Variants in DFFA observed in about 807,000 individuals in gnomAD.
DFFA encodes the protein DFF45.
A neutral mutation model predicts 28.0 loss-of-function variants in DFFA; 14 were observed. The ratio of observed to expected loss-of-function variants is 0.50; its 90% CI spans 0.33 to 0.78. The LOEUF is 0.78. Ranked by LOEUF, DFFA falls within the 30% of genes least tolerant of loss-of-function variation. The probability of loss-of-function intolerance (pLI) is 0.02; values close to 1 mark genes in which losing one functional copy is unlikely to be tolerated. For missense variants in DFFA, 395 were observed against 407.1 expected (o/e 0.97, Z 0.26); for synonymous variants, 158 against 170.3 (o/e 0.93, Z 0.56).
rs776779999 is a variant in DFFA at position 10,463,429 on chromosome 1, A to T, written c.631+2T>A. 6.2e-7 allele frequency: 1 copy of T among 1,609,456 alleles called. No homozygotes were observed. Among genetic ancestry groups the T allele is most frequent in the East Asian group, 2.2e-5 (1 of 44,878 alleles). ...AGTGACTCTGCCTGCAGAGAGTCCT[A>T]CCTTCCTGCTTTGACAAGAGGCTGC... is the stretch of plus-strand genomic sequence containing the variant. On this transcript the variant is annotated splice_donor_variant, in intron 4 of 5. Transcript: ENST00000377038. LOFTEE classifies it high-confidence loss of function.
intron 5 of DFFA, among the ~76,000 whole-genome samples, chr1:10,462,080 G>C (rs985760726): frequency 6.6e-5 from 10 of 152,108 alleles, no homozygotes; most frequent in East Asian, 3.9e-4. Flanking sequence ...GGATGGTCTC[G>C]ATCTCCTGAC....
intron 5 of DFFA, 64 bp downstream of exon 5, chr1:10,462,994 A>G (rs1570102801): frequency 6.2e-7 from 1 of 1,604,500 alleles, no homozygotes. Context: ...ACACCTCTGC[A>G]TGATACTACT....
rs1307989024 is a variant in DFFA, at chr1:10,458,062, G to A, written c.*3428C>T. 1 of 152,136 alleles carries A rather than the reference G, an allele frequency of 6.6e-6. No homozygotes were observed. The highest frequency in any genetic ancestry group is 6.6e-5 in the Admixed American group (1 of 15,236). 9.4% of individuals were successfully genotyped at this position (152,136 alleles called of 1,614,324 possible). On this transcript the variant is annotated 3_prime_UTR_variant, in exon 6 of 6. Coordinates refer to ENST00000377038, the MANE Select transcript of DFFA (RefSeq NM_004401.3). The stretch of plus-strand genomic sequence containing the variant: ...GATTTCCTAGGAATGTAGCTACTCT[G>A]TAAATCAAGGACAGACACGTTTACT...
chr1:10,462,834 G>C, intron 5 of DFFA: 1 of 1,388,562 alleles, frequency 7.2e-7, no homozygotes, highest in South Asian at 1.7e-5. Context: ...CCTTGGACCA[G>C]AGTCTGTTTG....
chr1:10,462,839 T>G, intron 5 of DFFA: 1 of 1,392,710 alleles, frequency 7.2e-7, no homozygotes. Flanking sequence ...GACCAGAGTC[T>G]GTTTGATGAT....
intron 5 of DFFA, among the ~76,000 whole-genome samples, chr1:10,462,234 C>T (rs764415413): frequency 1.2e-4 from 18 of 152,320 alleles, no homozygotes; most frequent in Non-Finnish European, 2.5e-4. Context: ...TTAGCTCACG[C>T]AACCTCCACC....
intron 5 of DFFA, 104 bp from the exon 6 acceptor site, chr1:10,461,806 T>C (rs1640945595): frequency 6.6e-7 from 1 of 1,519,774 alleles, no homozygotes; most frequent in Non-Finnish European, 8.8e-7. Context: ...TATCCGTTTA[T>C]GTTACCTCTT....
chr1:10,462,826 T>C, intron 5 of DFFA: 1 of 1,380,180 alleles, frequency 7.2e-7, no homozygotes, highest in African/African-American at 1.5e-5. Context: ...ATTACCAACC[T>C]TGGACCAGAG....
At chr1:10,462,518 G>A (rs1308751513) in intron 5 of DFFA, 2 of 989,726 alleles carry the variant, frequency 2.0e-6, no homozygotes, top group African/African-American at 3.5e-5. Context: ...CCACCTTCAG[G>A]AAATTTAGCC....
chr1:10,460,955 C>T lies in DFFA; in HGVS notation c.*535G>A, dbSNP rs1405309115. 1 of 136,386 alleles carries T rather than the reference C, an allele frequency of 7.3e-6. No homozygotes were observed. The highest frequency in any genetic ancestry group is 2.8e-5 in the African/African-American group (1 of 35,482). The allele number at this position is 136,386 out of a possible 1,614,324, so 8.4% of individuals were successfully genotyped here. A position where few individuals can be genotyped will look rare whatever the true frequency, so the allele number is the denominator to read the frequency against. ...ACGGAGTCTCGCTCTGTTGCCCAGG[C>T]TGGAGTGCAGTGGCGCAATCTCAGC... On this transcript the variant is annotated 3_prime_UTR_variant, in exon 6 of 6. Coordinates refer to ENST00000377038, the MANE Select transcript of DFFA (RefSeq NM_004401.3).
At chr1:10,467,949 G>GT (rs572910619) in intron 2 of DFFA, among the ~76,000 whole-genome samples, 173 of 152,280 alleles carry the variant, frequency 1.1e-3, no homozygotes, top group African/African-American at 3.9e-3. Flanking sequence ...GGTGTGTCCT[G>GT]TTTTTTATAC....
intron 2 of DFFA, among the ~76,000 whole-genome samples, chr1:10,468,028 G>C (rs1641046234): frequency 6.6e-6 from 1 of 152,126 alleles, no homozygotes; most frequent in Non-Finnish European, 1.5e-5. Context: ...TGGCAGAGCT[G>C]TAGCCATCGA....
chr1:10,472,147 C>A lies in DFFA; in HGVS notation c.136+176G>T. 2.9e-6 allele frequency: 2 copies of A among 695,646 alleles called. No homozygotes were observed. The highest frequency in any genetic ancestry group is 4.4e-6 in the Non-Finnish European group (2 of 459,188). The allele number at this position is 695,646 out of a possible 1,614,324, so 43.1% of individuals were successfully genotyped here. A position where few individuals can be genotyped will look rare whatever the true frequency, so the allele number is the denominator to read the frequency against. On this transcript the variant is annotated intron_variant, in intron 1 of 5. Coordinates refer to ENST00000377038, the MANE Select transcript of DFFA (RefSeq NM_004401.3). This position sits in a 1 kb window ranked among gnomAD's most constrained non-coding sequence, Gnocchi z 5.0. ...GTGGAGTCTCACACGAGATTAATTA[C>A]GCTCAAGCGCCTTAAATCTGTAAAT... is the stretch of plus-strand genomic sequence containing the variant.
intron 3 of DFFA, among the ~76,000 whole-genome samples, chr1:10,466,363 G>C (rs754657773): frequency 7.2e-5 from 11 of 151,798 alleles, no homozygotes; most frequent in African/African-American, 2.4e-4. Context: ...CTAATTTTTT[G>C]TATTTTTAGT....
At chr1:10,465,448 TAG>T (rs1641007647) in intron 3 of DFFA, among the ~76,000 whole-genome samples, 2 of 152,020 alleles carry the variant, frequency 1.3e-5, no homozygotes, top group Non-Finnish European at 2.9e-5. Flanking sequence ...ATATTTTTAG[TAG>T]AGACGGGATT....
rs1336638888 is a variant in DFFA, at chr1:10,461,480, C to G, written c.*10G>C. On this transcript the variant is annotated 3_prime_UTR_variant, in exon 6 of 6. Coordinates refer to ENST00000377038, the MANE Select transcript of DFFA (RefSeq NM_004401.3). ...GCCACAGAGCTTCCTTGGCACACTT[C>G]CCGCTGCTGCTATGTGGGATCCTGT... 3 of 1,611,372 alleles carry G rather than the reference C, an allele frequency of 1.9e-6. No homozygotes were observed. Among genetic ancestry groups the G allele is most frequent in the Non-Finnish European group, 2.5e-6 (3 of 1,178,658 alleles).
rs768932062 is a variant in DFFA at position 10,467,159 on chromosome 1, A to G, written c.441+31T>C. The G allele has an allele frequency of 3.0e-5, 49 of 1,612,286 alleles. 1 individual carries two copies. The South Asian group carries it at 5.3e-4, about 17-fold the overall frequency. Reference sequence around the variant, plus strand: ...GGGGCGGGGGGCAGAGGCTGGATGAACATTGTTGCAGGTTGTGGAGGAGGC... The same window carrying G: ...GGGGCGGGGGGCAGAGGCTGGATGAGCATTGTTGCAGGTTGTGGAGGAGGC... On this transcript the variant is annotated intron_variant, in intron 3 of 5. Coordinates refer to ENST00000377038, the MANE Select transcript of DFFA (RefSeq NM_004401.3).
In DFFA at chr1:10,461,294, T is replaced by C; in HGVS notation, c.*196A>G. On this transcript the variant is annotated 3_prime_UTR_variant, in exon 6 of 6. Coordinates refer to ENST00000377038, the MANE Select transcript of DFFA (RefSeq NM_004401.3). ...GTTGGTGCAGCTATATCATTCAAAA[T>C]TGGCAGAAGTCCTGAAGCTGGTGGG... 7 of 712,826 alleles carry C rather than the reference T, an allele frequency of 9.8e-6. 1 individual carries two copies. The highest frequency in any genetic ancestry group is 8.1e-5 in the South Asian group (4 of 49,610). 44.2% of individuals were successfully genotyped at this position (712,826 alleles called of 1,614,324 possible). A position where few individuals can be genotyped will look rare whatever the true frequency, so the allele number is the denominator to read the frequency against.
In DFFA at chr1:10,463,497, T is replaced by C. The variant is rs1003455297; in HGVS notation, c.565A>G (p.Lys189Glu). The change falls in exon 4 of 6, where the codon AAG becomes GAG. Residue 189 changes from lysine (K) to glutamate (E), a missense_variant. Transcript: ENST00000377038. ...TGGAGGTACAGCTGCAGGAGCTGCT[T>C]GGACTGACGCACTTCCTCTCTTTGG... is the stretch of plus-strand genomic sequence containing the variant. ...LDQREEVRQS[K>E]QLLQLYLQAL... 1 of 1,614,096 alleles carries C rather than the reference T, an allele frequency of 6.2e-7. No homozygotes were observed. The highest frequency in any genetic ancestry group is 8.5e-7 in the Non-Finnish European group (1 of 1,180,022).
Sources: allele counts gnomAD v4.1 joint callset (sites outside exome capture counted in the v4.1 genomes callset), GRCh38; gene constraint gnomAD v4.1.1; non-coding constraint Gnocchi (gnomAD v3.1); transcripts MANE v1.5; gene names NCBI Gene and HGNC (gene_info 2026-07-23, HGNC 2026-07-21).